The following DPP10 variants were observed in gnomAD, a reference collection of about 807,000 sequenced individuals.
DPP10 encodes dipeptidyl peptidase like 10.
A neutral mutation model predicts 120.9 loss-of-function variants in DPP10; 33 were observed. The ratio of observed to expected loss-of-function variants is 0.27; its 90% confidence interval spans 0.21 to 0.37. The LOEUF (loss-of-function observed/expected upper bound fraction) is 0.37, where lower values mean the gene tolerates loss of function less well. DPP10 is among the 10% of genes least tolerant of loss of function. The pLI is 1.00. For missense variants in DPP10, 816 were observed against 942.8 expected, an observed-to-expected ratio of 0.87 and a Z score of 1.76; for synonymous variants, 337 against 326.1, an observed-to-expected ratio of 1.03 and a Z score of -0.36.
At chr2:114,971,215 T>C (rs1699371263) in intron 1 of DPP10, among the ~76,000 whole-genome samples, 1 of 152,184 alleles carries the variant, frequency 6.6e-6, no homozygotes, top group African/African-American at 2.4e-5. Context: ...AATTCAAATT[T>C]TGAGGTCACA....
intron 1 of DPP10, among the ~76,000 whole-genome samples, chr2:114,942,400 C>CAT (rs1489821887): frequency 0.079 from 7,820 of 98,952 alleles, 420 homozygotes; most frequent in Admixed American, 0.14. Context: ...TACACACACA[C>CAT]ACATATATAT....
chr2:115,759,627 CAT>C (rs1483303118), intron 11 of DPP10, among the ~76,000 whole-genome samples: 5 of 151,936 alleles, frequency 3.3e-5, no homozygotes, highest in Non-Finnish European at 5.9e-5. Flanking sequence ...TGAAGTTAAA[CAT>C]ATGTAAACAC....
rs1305540155 is a variant in DPP10, at chr2:115,616,162, G to T, written c.442-73525G>T. Among the ~76,000 whole-genome samples, 3 of 152,146 alleles carry T rather than the reference G, an allele frequency of 2.0e-5. 1 individual carries two copies. Among genetic ancestry groups the T allele is most frequent in the African/African-American group, 7.2e-5 (3 of 41,516 alleles). ...AGGATATATTTGAAGCTCGTATTCT[G>T]TACAACAGTGTATACTATTGTAGAG... On this transcript the variant is annotated intron_variant, in intron 5 of 25. Coordinates refer to ENST00000410059, the MANE Select transcript of DPP10 (RefSeq NM_020868.6).
chr2:114,604,076 A>G (rs1403846930), intron 1 of DPP10, among the ~76,000 whole-genome samples: 1 of 152,096 alleles, frequency 6.6e-6, no homozygotes, highest in African/African-American at 2.4e-5. Flanking sequence ...TTGTGACAAC[A>G]CATAAATGCC....
intron 1 of DPP10, among the ~76,000 whole-genome samples, chr2:115,297,753 T>C (rs1406323746): frequency 6.6e-6 from 1 of 152,066 alleles, no homozygotes; most frequent in Non-Finnish European, 1.5e-5. Context: ...AGAACTTTAG[T>C]TCTAGGCAGA....
intron 21 of DPP10, among the ~76,000 whole-genome samples, chr2:115,832,784 G>A (rs1689065439): frequency 6.6e-6 from 1 of 152,000 alleles, no homozygotes; most frequent in African/African-American, 2.4e-5. Flanking sequence ...ATTGAATGTG[G>A]GTCGGGGAGA....
chr2:114,868,414 G>A (rs539674496), intron 1 of DPP10, among the ~76,000 whole-genome samples: 16 of 152,262 alleles, frequency 1.1e-4, no homozygotes, highest in African/African-American at 3.6e-4. Flanking sequence ...GACCTCATCC[G>A]TAAGGTGTTC....
At chr2:115,738,750 G>C (rs1194003439) in intron 8 of DPP10, among the ~76,000 whole-genome samples, 1 of 152,136 alleles carries the variant, frequency 6.6e-6, no homozygotes. Flanking sequence ...GACAAATGTA[G>C]TCTCAACATC....
chr2:115,037,695 C>A (rs76805088), intron 1 of DPP10, among the ~76,000 whole-genome samples: 1 of 152,102 alleles, frequency 6.6e-6, no homozygotes, highest in South Asian at 2.1e-4. Flanking sequence ...CTAGTTAATT[C>A]TTTTGCTTTT....
chr2:115,484,788 C>T (rs1205202518), intron 3 of DPP10, among the ~76,000 whole-genome samples: 1 of 152,122 alleles, frequency 6.6e-6, no homozygotes, highest in Non-Finnish European at 1.5e-5. Flanking sequence ...TAATCTCATT[C>T]AGGCAGGAGT....
chr2:115,151,559 C>T (rs1287481593), intron 1 of DPP10, among the ~76,000 whole-genome samples: 1 of 151,796 alleles, frequency 6.6e-6, no homozygotes, highest in Non-Finnish European at 1.5e-5. Context: ...AGGCACCTAC[C>T]ACCACACCTG....
intron 21 of DPP10, among the ~76,000 whole-genome samples, chr2:115,835,597 C>A (rs1298566114): frequency 6.6e-6 from 1 of 152,162 alleles, no homozygotes; most frequent in African/African-American, 2.4e-5. Context: ...TCCAAATAAT[C>A]CTAAGCCAGA....
chr2:115,514,339 T>A (rs1375829313), intron 4 of DPP10, among the ~76,000 whole-genome samples: 2 of 146,526 alleles, frequency 1.4e-5, no homozygotes, highest in Admixed American at 1.3e-4. Flanking sequence ...GGAGTCATTA[T>A]TTTTTAAAAC....
intron 1 of DPP10, among the ~76,000 whole-genome samples, chr2:114,538,870 T>C (rs1305791977): frequency 6.6e-6 from 1 of 152,130 alleles, no homozygotes; most frequent in African/African-American, 2.4e-5. Context: ...AAGAAGAGAA[T>C]TCCCTTCTCT....
intron 1 of DPP10, among the ~76,000 whole-genome samples, chr2:114,502,361 G>A (rs561738349): frequency 6.6e-6 from 1 of 151,978 alleles, no homozygotes; most frequent in Non-Finnish European, 1.5e-5. Context: ...CATTTAAACT[G>A]GATTGCTACT....
rs138006350 is a variant in DPP10, at chr2:115,596,529, A to C, written c.441+70557A>C. On this transcript the variant is annotated intron_variant, in intron 5 of 25. Transcript: ENST00000410059. Reference sequence around the variant, plus strand: ...AACAAATCTTCACTTGTCATATTTCAAAGTTTCTCTCCAGTATTTTAGACT... The same window carrying C: ...AACAAATCTTCACTTGTCATATTTCCAAGTTTCTCTCCAGTATTTTAGACT... Among the ~76,000 whole-genome samples, 20 of 152,268 alleles carry C rather than the reference A, an allele frequency of 1.3e-4. No individual in the cohort carries two copies. In the East Asian group the frequency reaches 3.7e-3, roughly 28 times the overall value.
chr2:115,061,880 A>G (rs1706436542), intron 1 of DPP10, among the ~76,000 whole-genome samples: 1 of 152,126 alleles, frequency 6.6e-6, no homozygotes, highest in Admixed American at 6.5e-5. Flanking sequence ...ACAATATTTT[A>G]TATCAATTTT....
chr2:115,710,166 T>C (rs1171447109), intron 7 of DPP10, among the ~76,000 whole-genome samples: 1 of 152,022 alleles, frequency 6.6e-6, no homozygotes, highest in Non-Finnish European at 1.5e-5. Context: ...CACTACAAAA[T>C]ATGCTCTTCA....
chr2:114,633,611 T>C (rs1341693864), intron 1 of DPP10, among the ~76,000 whole-genome samples: 3 of 151,458 alleles, frequency 2.0e-5, no homozygotes, highest in Non-Finnish European at 4.4e-5. Context: ...TTTATTTTAT[T>C]TTTTATTTAT....
Sources: allele counts gnomAD v4.1 joint callset (sites outside exome capture counted in the v4.1 genomes callset), GRCh38; gene constraint gnomAD v4.1.1; transcripts MANE v1.5; gene names NCBI Gene and HGNC (gene_info 2026-07-23, HGNC 2026-07-21).